Variants in PCDHA6 observed in about 807,000 individuals in gnomAD.
The protein encoded by PCDHA6 is protocadherin alpha 6, also known as protocadherin alpha-6.
A neutral mutation model predicts 60.3 loss-of-function variants in PCDHA6; 55 were observed. The ratio of observed to expected loss-of-function variants is 0.91; its 90% confidence interval spans 0.73 to 1.14. The LOEUF is 1.14. Among genes scored for constraint, PCDHA6 ranks in the 50% most tolerant of loss-of-function variants. PCDHA6 has a pLI of 0.00. For missense variants in PCDHA6, 1,327 were observed against 1,256.5 expected (o/e 1.06, Z -0.85); for synonymous variants, 652 against 557.9 (o/e 1.17, Z -2.38).
At chr5:140,854,174 A>AAAAAGAGT in intron 1 of PCDHA6, 1 of 680,558 alleles carries the variant, frequency 1.5e-6, no homozygotes, top group Non-Finnish European at 1.8e-6. Context: ...AAAAAAAAAA[A>AAAAAGAGT]AAGAGTAGTT....
At chr5:140,936,768 G>C (rs1554211177) in intron 1 of PCDHA6, among the ~76,000 whole-genome samples, 2 of 152,042 alleles carry the variant, frequency 1.3e-5, no homozygotes, top group African/African-American at 4.8e-5. Flanking sequence ...AATTGTGTAA[G>C]TTCTCTCACT....
intron 1 of PCDHA6, among the ~76,000 whole-genome samples, chr5:140,840,242 T>G (rs113669357): frequency 0.011 from 1,735 of 152,166 alleles, 51 homozygotes; most frequent in African/African-American, 0.04. Context: ...AGAATCACTA[T>G]GCTATAAAAA....
At chr5:140,955,458 T>C (rs246018) in intron 1 of PCDHA6, among the ~76,000 whole-genome samples, 85,567 of 151,850 alleles carry the variant, frequency 0.56, 24,724 homozygotes, top group African/African-American at 0.69. Flanking sequence ...AAGGGCTTTT[T>C]CCTTTTTGCT....
At chr5:140,862,623 G>T in intron 1 of PCDHA6, 1 of 531,204 alleles carries the variant, frequency 1.9e-6, no homozygotes, top group Non-Finnish European at 3.8e-6. Context: ...ACAACCCGCG[G>T]GGCTGCCACG....
chr5:140,993,934 C>T (rs936977793), intron 3 of PCDHA6, among the ~76,000 whole-genome samples: 5 of 152,044 alleles, frequency 3.3e-5, no homozygotes, highest in African/African-American at 1.2e-4. Context: ...AGAACATATC[C>T]CCATTGTTAA....
rs1333191283 is a variant in PCDHA6 at position 140,836,505 on chromosome 5, T to C, written c.2394+6020T>C. 11 of 1,613,862 alleles carry C rather than the reference T, an allele frequency of 6.8e-6. No homozygotes were observed. In the African/African-American group the frequency reaches 8.0e-5, roughly 12 times the overall value. On this transcript the variant is annotated intron_variant, in intron 1 of 3. Coordinates refer to ENST00000529310, the MANE Select transcript of PCDHA6 (RefSeq NM_018909.4). Reference sequence around the variant, plus strand: ...CCTGATCATCGCCATCTGCGCGGTGTCCAGTCTGTTGGTGCTTACCCTGCT... The same window carrying C: ...CCTGATCATCGCCATCTGCGCGGTGCCCAGTCTGTTGGTGCTTACCCTGCT...
chr5:140,895,500 G>A (rs1554186539), intron 1 of PCDHA6, among the ~76,000 whole-genome samples: 2 of 152,046 alleles, frequency 1.3e-5, no homozygotes, highest in African/African-American at 2.4e-5. Context: ...CAGAACTTTT[G>A]CCCAATTTTT....
chr5:140,857,337 G>T, intron 1 of PCDHA6: 1 of 1,598,496 alleles, frequency 6.3e-7, no homozygotes, highest in South Asian at 1.1e-5. Context: ...CGGGACGGGG[G>T]CTCGCCTCCG....
chr5:140,961,728 A>G (rs2095632104), intron 1 of PCDHA6, among the ~76,000 whole-genome samples: 1 of 152,192 alleles, frequency 6.6e-6, no homozygotes, highest in East Asian at 1.9e-4. Context: ...GCTCATAAAC[A>G]ATCACTTTAG....
At chr5:140,868,446 A>G (rs1224722166) in intron 1 of PCDHA6, 1 of 152,368 alleles carries the variant, frequency 6.6e-6, no homozygotes, top group Non-Finnish European at 1.5e-5. Flanking sequence ...TGTGGAACAT[A>G]AACACTAAAG....
chr5:140,922,131 TTATCC>T (rs2080656521), intron 1 of PCDHA6, among the ~76,000 whole-genome samples: 1 of 152,176 alleles, frequency 6.6e-6, no homozygotes, highest in South Asian at 2.1e-4. Context: ...TAAATGTCTC[TTATCC>T]TCCATGAAAC....
chr5:140,941,211 CTTCCTTTCTTTCTTTCTTTCTTT>C (rs2092859339), intron 1 of PCDHA6, among the ~76,000 whole-genome samples: 20 of 129,726 alleles, frequency 1.5e-4, no homozygotes, highest in Admixed American at 7.8e-4. Flanking sequence ...TCCTTTCTTT[CTTCCTTTCTTTCTTTCTTTCTTT>C]CTTTCTTTCT....
chr5:140,856,038 A>G (rs2043738417), intron 1 of PCDHA6: 2 of 1,568,894 alleles, frequency 1.3e-6, no homozygotes, highest in Non-Finnish European at 1.7e-6. Context: ...GTAAAACAAG[A>G]GAAGGATAAG....
chr5:140,950,944 T>C (rs2094535037), intron 1 of PCDHA6, among the ~76,000 whole-genome samples: 1 of 152,090 alleles, frequency 6.6e-6, no homozygotes, highest in Admixed American at 6.5e-5. Flanking sequence ...TCAGATTGGA[T>C]CATTTCTATT....
chr5:140,941,564 C>T (rs1352264408), intron 1 of PCDHA6, among the ~76,000 whole-genome samples: 2 of 151,992 alleles, frequency 1.3e-5, no homozygotes, highest in Non-Finnish European at 2.9e-5. Flanking sequence ...ATCCATTCGC[C>T]TCAGCCTCCC....
chr5:140,906,316 A>G (rs191261196), intron 1 of PCDHA6, among the ~76,000 whole-genome samples: 377 of 152,344 alleles, frequency 2.5e-3, no homozygotes, highest in African/African-American at 8.6e-3. Flanking sequence ...TATTCCCAAC[A>G]TGATACAACT....
chr5:140,843,859 T>C lies in PCDHA6; in HGVS notation c.2394+13374T>C, dbSNP rs1779121343. ...GTTTTTAGAAACCTTTTATAATTAA[T>C]TGAATTTTCTCAGTGGCATAATACA... On this transcript the variant is annotated intron_variant, in intron 1 of 3. Coordinates refer to ENST00000529310, the MANE Select transcript of PCDHA6 (RefSeq NM_018909.4). 13 of 919,578 alleles carry C rather than the reference T, an allele frequency of 1.4e-5. No individual in the cohort carries two copies. The East Asian group carries it at 3.1e-4, about 22-fold the overall frequency. The allele number at this position is 919,578 out of a possible 1,614,324, so 57.0% of individuals were successfully genotyped here. A position where few individuals can be genotyped will look rare whatever the true frequency, so the allele number is the denominator to read the frequency against.
At chr5:140,986,951 T>C (rs1421822972) in intron 3 of PCDHA6, among the ~76,000 whole-genome samples, 1 of 152,128 alleles carries the variant, frequency 6.6e-6, no homozygotes, top group Non-Finnish European at 1.5e-5. Context: ...TGGTCGCTCA[T>C]GCCTGTAATT....
intron 1 of PCDHA6, chr5:140,863,731 A>G (rs1249998987): frequency 1.2e-5 from 3 of 259,294 alleles, no homozygotes; most frequent in Non-Finnish European, 2.3e-5. Context: ...GCGGTAGCTC[A>G]TGCCTATTTG....
Sources: allele counts gnomAD v4.1 joint callset (sites outside exome capture counted in the v4.1 genomes callset), GRCh38; gene constraint gnomAD v4.1.1; transcripts MANE v1.5; gene names NCBI Gene and HGNC (gene_info 2026-07-23, HGNC 2026-07-21).